The following PLEKHG4 variants were observed in gnomAD, a reference collection of about 807,000 sequenced individuals.
The protein encoded by PLEKHG4 is puratrophin-1.
A neutral mutation model predicts 136.9 loss-of-function variants in PLEKHG4; 85 were observed. That is an observed-to-expected ratio of 0.62 (90% CI 0.52 to 0.74). The LOEUF is 0.74. Among genes scored for constraint, PLEKHG4 ranks in the 30% least tolerant of loss-of-function variants. The pLI is 0.00. For missense variants in PLEKHG4, 1,317 were observed against 1,527.8 expected, an observed-to-expected ratio of 0.86 and a Z score of 2.30; for synonymous variants, 577 against 646.9, an observed-to-expected ratio of 0.89 and a Z score of 1.64.
Position 67,286,813 on chromosome 16 carries a change from A to G in PLEKHG4, c.2819A>G (p.His940Arg), listed in dbSNP as rs2036493888. The change falls in exon 17 of 22, where the codon CAC becomes CGC. Residue 940 changes from histidine (H) to arginine (R), a missense_variant. Transcript: ENST00000379344. ...QDEFVVRTGR[H>R]KSVRRIFLFE... is the part of the protein sequence containing the mutation. The stretch of plus-strand genomic sequence containing the variant: ...GAGTTTGTGGTGCGCACTGGGCGCC[A>G]CAAGTCCGTGCGCCGCATCTTCCTT... The G allele has an allele frequency of 6.2e-7, 1 of 1,613,776 alleles. No homozygotes were observed. Among genetic ancestry groups the G allele is most frequent in the African/African-American group, 1.3e-5 (1 of 75,078 alleles).
chr16:67,280,123 A>C lies in PLEKHG4; in HGVS notation c.79A>C (p.Ser27Arg), dbSNP rs1448224905. The change falls in exon 2 of 22, where the codon AGT becomes CGT. Residue 27 changes from serine to arginine, a missense_variant. Physicochemically the swap from Ser to Arg is moderately radical, Grantham distance 110. Transcript: ENST00000379344. This position sits in a 1 kb window ranked among gnomAD's most constrained non-coding sequence, Gnocchi z 4.4. Reference sequence around the variant, plus strand: ...CACCGACTGGAGATTTGCTGTGTGCAGTTTCAGGGATGCCTGGGAAGAGGA... The same window carrying C: ...CACCGACTGGAGATTTGCTGTGTGCCGTTTCAGGGATGCCTGGGAAGAGGA... ...HATDWRFAVC[S>R]FRDAWEEEEP... The C allele has an allele frequency of 6.2e-7, 1 of 1,613,788 alleles. No homozygotes were observed. Among genetic ancestry groups the C allele is most frequent in the East Asian group, 2.2e-5 (1 of 44,880 alleles).
chr16:67,288,402 T>C lies in PLEKHG4; in HGVS notation c.3454+2T>C, dbSNP rs1229938073. ...AGCTGGGCGGCCAGCCCTCTTTGAG[T>C]ATGTCTGGGCCTAGCCAGAGGCAGG... On this transcript the variant is annotated splice_donor_variant, in intron 20 of 21. Coordinates refer to ENST00000379344, the MANE Select transcript of PLEKHG4 (RefSeq NM_001129729.3). LOFTEE classifies it high-confidence loss of function. 6.2e-7 allele frequency: 1 copy of C among 1,612,130 alleles called. No homozygotes were observed. Among genetic ancestry groups the C allele is most frequent in the Admixed American group, 1.7e-5 (1 of 60,000 alleles).
chr16:67,284,583 C>G lies in PLEKHG4; in HGVS notation c.1692+126C>G. On this transcript the variant is annotated intron_variant, in intron 12 of 21. Coordinates refer to ENST00000379344, the MANE Select transcript of PLEKHG4 (RefSeq NM_001129729.3). The surrounding 1 kb of genome is among the most constrained non-coding windows in gnomAD (Gnocchi z 4.4). ...TCTCTTCCCTGGTCTTCAGTTTGAC[C>G]CTAAAACCCAGTCACTGGGGCTGTG... 2 of 1,476,290 alleles carry G rather than the reference C, an allele frequency of 1.4e-6. No homozygotes were observed. Among genetic ancestry groups the G allele is most frequent in the South Asian group, 2.4e-5 (2 of 84,894 alleles). The allele number at this position is 1,476,290 out of a possible 1,614,324, so 91.4% of individuals were successfully genotyped here.
chr16:67,280,323 G>T lies in PLEKHG4; in HGVS notation c.279G>T (p.Leu93=), dbSNP rs1230243470. 1.2e-5 allele frequency: 20 copies of T among 1,613,748 alleles called. No individual in the cohort carries two copies. The East Asian group carries it at 4.5e-4, about 36-fold the overall frequency. ...QRGTVESSSV[L]SEGPGPSGVE... The stretch of plus-strand genomic sequence containing the variant: ...GCACAGTAGAAAGCTCCTCAGTCCT[G>T]TCAGAAGGGCCAGGCCCCTCTGGAG... The change falls in exon 2 of 22, where the codon CTG becomes CTT. Residue 93 remains leucine, a synonymous_variant. Transcript: ENST00000379344. The surrounding 1 kb of genome is among the most constrained non-coding windows in gnomAD (Gnocchi z 4.4).
At position 67,282,345 on chromosome 16, in the gene PLEKHG4, T is replaced by C. The variant is rs944929786; in HGVS notation, c.1249T>C (p.Tyr417His). The C allele has an allele frequency of 5.0e-6, 8 of 1,612,302 alleles. No homozygotes were observed. Among genetic ancestry groups the C allele is most frequent in the Non-Finnish European group, 6.8e-6 (8 of 1,179,694 alleles). The change falls in exon 9 of 22, where the codon TAC (tyrosine) becomes CAC (histidine). Residue 417 changes from tyrosine (Y) to histidine (H), a missense_variant. Coordinates refer to ENST00000379344, the MANE Select transcript of PLEKHG4 (RefSeq NM_001129729.3). The part of the protein sequence containing the change: ...EVPEVTLSPD[Y>H]RTAMDKADEL... ...CCCAGAGGTGACCCTGAGCCCAGAC[T>C]ACAGGTGAGTGCAAGCCCGGCCCCC...
Position 67,289,166 on chromosome 16 carries a change from C to G in PLEKHG4, c.*358C>G. 2.1e-6 allele frequency: 1 copy of G among 467,292 alleles called. No homozygotes were observed. The allele number at this position is 467,292 out of a possible 1,614,324, so 28.9% of individuals were successfully genotyped here. The stretch of plus-strand genomic sequence containing the variant: ...AGGCAGTGACTAGGGTGCCCCCACC[C>G]CTCAGGAAGAACACAGGTGGGCTCC... On this transcript the variant is annotated 3_prime_UTR_variant, in exon 22 of 22. Coordinates refer to ENST00000379344, the MANE Select transcript of PLEKHG4 (RefSeq NM_001129729.3).
Position 67,288,941 on chromosome 16 carries a change from C to A in PLEKHG4, c.*133C>A. On this transcript the variant is annotated 3_prime_UTR_variant, in exon 22 of 22. Transcript: ENST00000379344. ...CCTACATGTGCAACGCTGTTGACTA[C>A]CCTTTCTGATGTGTGTGGCCATTGG... 2 of 1,012,338 alleles carry A rather than the reference C, an allele frequency of 2.0e-6. No individual in the cohort carries two copies. The highest frequency in any genetic ancestry group is 3.1e-6 in the Non-Finnish European group (2 of 655,174). 62.7% of individuals were successfully genotyped at this position (1,012,338 alleles called of 1,614,324 possible). A position where few individuals can be genotyped will look rare whatever the true frequency, so the allele number is the denominator to read the frequency against.
In PLEKHG4 at chr16:67,281,770, C is replaced by G. The variant is rs773289644; in HGVS notation, c.938C>G (p.Ala313Gly). ...SQSLLTHIPTAGLPTSLGGGL... is the reference protein window; with the variant it reads ...SQSLLTHIPTGGLPTSLGGGL... ...AGCCTGCTGACCCACATCCCAACGG[C>G]GGGGCTGCCCACTTCGCTAGGAGGA... The change falls in exon 7 of 22, where the codon GCG becomes GGG. Residue 313 changes from alanine to glycine, a missense_variant. Transcript: ENST00000379344. 6.2e-7 allele frequency: 1 copy of G among 1,613,850 alleles called. No individual in the cohort carries two copies. Among genetic ancestry groups the G allele is most frequent in the African/African-American group, 1.3e-5 (1 of 74,938 alleles).
chr16:67,282,593 C>T lies in PLEKHG4; in HGVS notation c.1344C>T (p.Ala448=). The T allele has an allele frequency of 6.2e-7, 1 of 1,614,062 alleles. No individual in the cohort carries two copies. Among genetic ancestry groups the T allele is most frequent in the South Asian group, 1.1e-5 (1 of 91,090 alleles). The change falls in exon 10 of 22, where the codon GCC becomes GCT. Residue 448 remains alanine, a synonymous_variant. Coordinates refer to ENST00000379344, the MANE Select transcript of PLEKHG4 (RefSeq NM_001129729.3). The part of the protein sequence containing the change: ...LTLQSNQRIQ[A]LELVQTLEAR... Reference sequence around the variant, plus strand: ...TGCAGAGCAACCAGCGAATACAGGCCCTAGAGTTGGTCCAAACACTGGAGG... The same window carrying T: ...TGCAGAGCAACCAGCGAATACAGGCTCTAGAGTTGGTCCAAACACTGGAGG...
chr16:67,284,681 C>T lies in PLEKHG4; in HGVS notation c.1693-32C>T, dbSNP rs1273574119. Reference sequence around the variant, plus strand: ...TGCCCAGCAGGCTTGGCAGGATCTTCCTCTAATGCTTGTCCGGCCCTGGTG... The same window carrying T: ...TGCCCAGCAGGCTTGGCAGGATCTTTCTCTAATGCTTGTCCGGCCCTGGTG... On this transcript the variant is annotated intron_variant, in intron 12 of 21. Coordinates refer to ENST00000379344, the MANE Select transcript of PLEKHG4 (RefSeq NM_001129729.3). This position sits in a 1 kb window ranked among gnomAD's most constrained non-coding sequence, Gnocchi z 4.4. 6 of 1,610,542 alleles carry T rather than the reference C, an allele frequency of 3.7e-6. No homozygotes were observed. The highest frequency in any genetic ancestry group is 1.7e-4 in the Middle Eastern group (1 of 5,944).
chr16:67,280,542 A>C lies in PLEKHG4; in HGVS notation c.498A>C (p.Ala166=), dbSNP rs777753981. Residue 166 remains alanine (A), a splice_region_variant and synonymous_variant, in exon 2 of 22, where the codon GCA becomes GCC. Coordinates refer to ENST00000379344, the MANE Select transcript of PLEKHG4 (RefSeq NM_001129729.3). The surrounding 1 kb of genome is among the most constrained non-coding windows in gnomAD (Gnocchi z 4.4). The stretch of plus-strand genomic sequence containing the variant: ...CAGAAATATCAAAGCTGCTGGAGGC[A>C]GGTAAGGAAGGCTGGGCTAGGGAAG... The part of the protein sequence containing the change: ...PLSEISKLLE[A]APSGSGLPKP... The C allele has an allele frequency of 1.9e-6, 3 of 1,612,990 alleles. No individual in the cohort carries two copies. The highest frequency in any genetic ancestry group is 2.5e-6 in the Non-Finnish European group (3 of 1,179,842).
In PLEKHG4 at chr16:67,288,926, C is replaced by G; in HGVS notation, c.*118C>G. On this transcript the variant is annotated 3_prime_UTR_variant, in exon 22 of 22. Coordinates refer to ENST00000379344, the MANE Select transcript of PLEKHG4 (RefSeq NM_001129729.3). Reference sequence around the variant, plus strand: ...CTGGGCTACCTCCAACCTACATGTGCAACGCTGTTGACTACCCTTTCTGAT... The same window carrying G: ...CTGGGCTACCTCCAACCTACATGTGGAACGCTGTTGACTACCCTTTCTGAT... 8.8e-7 allele frequency: 1 copy of G among 1,135,398 alleles called. No homozygotes were observed. Among genetic ancestry groups the G allele is most frequent in the Non-Finnish European group, 1.3e-6 (1 of 765,100 alleles). 70.3% of individuals were successfully genotyped at this position (1,135,398 alleles called of 1,614,324 possible). A position where few individuals can be genotyped will look rare whatever the true frequency, so the allele number is the denominator to read the frequency against.
chr16:67,286,121 T>C (rs2036455822), intron 14 of PLEKHG4, among the ~76,000 whole-genome samples, 153 bp from the exon 15 acceptor site: 2 of 152,038 alleles, frequency 1.3e-5, no homozygotes, highest in Non-Finnish European at 2.9e-5. Flanking sequence ...AATCACCCCT[T>C]GTTCAAAGCA....
chr16:67,288,921 A>C lies in PLEKHG4; in HGVS notation c.*113A>C. On this transcript the variant is annotated 3_prime_UTR_variant, in exon 22 of 22. Transcript: ENST00000379344. ...GACACCTGGGCTACCTCCAACCTAC[A>C]TGTGCAACGCTGTTGACTACCCTTT... 1.5e-5 allele frequency: 17 copies of C among 1,161,494 alleles called. No homozygotes were observed. The highest frequency in any genetic ancestry group is 1.4e-4 in the South Asian group (11 of 77,224). The allele number at this position is 1,161,494 out of a possible 1,614,324, so 71.9% of individuals were successfully genotyped here. A position where few individuals can be genotyped will look rare whatever the true frequency, so the allele number is the denominator to read the frequency against.
At position 67,280,654 on chromosome 16, in the gene PLEKHG4, A is replaced by G; in HGVS notation, c.500-57A>G. Reference sequence around the variant, plus strand: ...CTACTCAGGCTGAAGCCCGGGTCCAAGTAGGGGTCTCTGGATAGGTGGTCC... The same window carrying G: ...CTACTCAGGCTGAAGCCCGGGTCCAGGTAGGGGTCTCTGGATAGGTGGTCC... On this transcript the variant is annotated intron_variant, in intron 2 of 21. Transcript: ENST00000379344. This position sits in a 1 kb window ranked among gnomAD's most constrained non-coding sequence, Gnocchi z 4.4. 6.2e-7 allele frequency: 1 copy of G among 1,612,880 alleles called. No homozygotes were observed. The highest frequency in any genetic ancestry group is 1.1e-5 in the South Asian group (1 of 91,058).
At chr16:67,278,485 A>C (rs530082783), upstream of PLEKHG4, 1 of 152,326 alleles carries the variant, frequency 6.6e-6, no homozygotes, top group African/African-American at 2.4e-5. Flanking sequence ...CTGGTCGCAG[A>C]GCTGACCTTC....
At chr16:67,279,419 C>A (rs1053728126), upstream of PLEKHG4, 4 of 151,804 alleles carry the variant, frequency 2.6e-5, no homozygotes, top group Non-Finnish European at 5.9e-5. Flanking sequence ...TGTGCCCCGT[C>A]GAGACCTGCT....
Position 67,280,943 on chromosome 16 carries a change from T to C in PLEKHG4, c.657T>C (p.Leu219=). Residue 219 remains leucine, a synonymous_variant, in exon 4 of 22, where the codon CTT becomes CTC. Transcript: ENST00000379344. This position sits in a 1 kb window ranked among gnomAD's most constrained non-coding sequence, Gnocchi z 4.4. The part of the protein sequence containing the change: ...LLLCAHSPAW[L]QSECSSQELI... Reference sequence around the variant, plus strand: ...TGTGTGCCCACAGCCCAGCCTGGCTTCAGTCTGAGTGCAGCAGCCAGGAAC... The same window carrying C: ...TGTGTGCCCACAGCCCAGCCTGGCTCCAGTCTGAGTGCAGCAGCCAGGAAC... 6.2e-7 allele frequency: 1 copy of C among 1,613,428 alleles called. No homozygotes were observed. Among genetic ancestry groups the C allele is most frequent in the Non-Finnish European group, 8.5e-7 (1 of 1,180,006 alleles).
At chr16:67,288,123 G>C in intron 19 of PLEKHG4, 44 bp from the exon 20 acceptor site, 1 of 1,576,556 alleles carries the variant, frequency 6.3e-7, no homozygotes, top group Non-Finnish European at 8.7e-7. Context: ...CTGGGGCCAG[G>C]CTAGGCTCTG....
Sources: allele counts gnomAD v4.1 joint callset (sites outside exome capture counted in the v4.1 genomes callset), GRCh38; gene constraint gnomAD v4.1.1; non-coding constraint Gnocchi (gnomAD v3.1); transcripts MANE v1.5; gene names NCBI Gene and HGNC (gene_info 2026-07-23, HGNC 2026-07-21).